Variants in SF3B1 observed in about 807,000 individuals in gnomAD.
SF3B1 encodes the protein pre-mRNA processing 10.
SF3B1 carries 12 observed loss-of-function variants against 153.8 expected under a neutral mutation model. The observed-to-expected ratio is 0.08, with a 90% CI of 0.05 to 0.13. The LOEUF (loss-of-function observed/expected upper bound fraction) is 0.13. Ranked by LOEUF, SF3B1 falls within the 10% of genes least tolerant of loss-of-function variation. The pLI is 1.00. For missense variants in SF3B1, 513 were observed against 1,606.1 expected (o/e 0.32, Z 11.63); for synonymous variants, 498 against 525.2 (o/e 0.95, Z 0.71).
intron 6 of SF3B1, among the ~76,000 whole-genome samples, chr2:197,411,669 C>T (rs1162075752): frequency 6.8e-6 from 1 of 146,234 alleles, no homozygotes; most frequent in Non-Finnish European, 1.5e-5. Flanking sequence ...GAGACCCCGT[C>T]TCAAAAAAAA....
chr2:197,392,313 T>C lies in SF3B1; in HGVS notation c.3905A>G (p.Tyr1302Cys), dbSNP rs1355082539. 14 of 1,128,078 alleles carry C rather than the reference T, an allele frequency of 1.2e-5. No homozygotes were observed. Among genetic ancestry groups the C allele is most frequent in the African/African-American group, 3.1e-5 (2 of 64,974 alleles). 69.9% of individuals were successfully genotyped at this position (1,128,078 alleles called of 1,614,324 possible). Residue 1302 changes from tyrosine (Y) to cysteine (C), a missense_variant, in exon 25 of 25, where the codon TAT (tyrosine) becomes TGT (cysteine). Tyr to Cys is a radical substitution (Grantham distance 194, BLOSUM62 -2). Coordinates refer to ENST00000335508, the MANE Select transcript of SF3B1 (RefSeq NM_012433.4). ...KNTYIRYELD[Y>C]IL is the part of the protein sequence containing the mutation. ...AAATAAACAATAAAATTATAAGATA[T>C]AGTCAAGTTCATAACGAATATAGGT...
At chr2:197,405,573 GT>G in intron 9 of SF3B1, 101 bp from the exon 10 acceptor site, 1 of 783,748 alleles carries the variant, frequency 1.3e-6, no homozygotes, top group Non-Finnish European at 2.1e-6. Context: ...AGCTAATAAG[GT>G]TTTTATTTGC....
rs556176328 is a variant in SF3B1, at chr2:197,398,130, TAC to T, written c.3135-16_3135-15del. 2 of 1,587,288 alleles carry T rather than the reference TAC, an allele frequency of 1.3e-6. No homozygotes were observed. Among genetic ancestry groups the T allele is most frequent in the Non-Finnish European group, 1.7e-6 (2 of 1,162,166 alleles). On this transcript the variant is annotated splice_polypyrimidine_tract_variant and intron_variant, in intron 21 of 24. Coordinates refer to ENST00000335508, the MANE Select transcript of SF3B1 (RefSeq NM_012433.4). ...TATTCAGCTCCCCTAATTTAAAAAA[TAC>T]ACATATTAATTATTGTGACATTAAG...
In SF3B1 at chr2:197,403,591, C is replaced by A. The variant is rs983207298; in HGVS notation, c.1713G>T (p.Val571=). ...ACTATTAAGGAGAACAAACCTTATG[C>A]ACATATGGACGAACTAAGTCATCAA... The part of the protein sequence containing the change: ...YKLDDLVRPY[V]HKILVVIEPL... Residue 571 remains valine (V), a synonymous_variant, in exon 12 of 25, where the codon GTG becomes GTT. Coordinates refer to ENST00000335508, the MANE Select transcript of SF3B1 (RefSeq NM_012433.4). 5 of 1,547,800 alleles carry A rather than the reference C, an allele frequency of 3.2e-6. No individual in the cohort carries two copies. The highest frequency in any genetic ancestry group is 4.3e-6 in the Non-Finnish European group (5 of 1,156,068).
chr2:197,392,899 A>C, intron 24 of SF3B1, 73 bp downstream of exon 24: 1 of 880,412 alleles, frequency 1.1e-6, no homozygotes. Context: ...CACGTTCAGC[A>C]CAAGTATCCC....
chr2:197,412,907 G>A (rs1409829106), intron 6 of SF3B1, among the ~76,000 whole-genome samples: 1 of 148,408 alleles, frequency 6.7e-6, no homozygotes, highest in East Asian at 2.0e-4. Flanking sequence ...AACCTGGGAG[G>A]TGGAGGTTGC....
chr2:197,402,163 C>T lies in SF3B1; in HGVS notation c.2078-33G>A, dbSNP rs768134205. On this transcript the variant is annotated intron_variant, in intron 14 of 24. Coordinates refer to ENST00000335508, the MANE Select transcript of SF3B1 (RefSeq NM_012433.4). The surrounding 1 kb of genome is among the most constrained non-coding windows in gnomAD (Gnocchi z 4.6). Reference sequence around the variant, plus strand: ...ACCAAACACAGGTTTTAACTATGCCCCAACATTACCTAAGTTACACAATAT... The same window carrying T: ...ACCAAACACAGGTTTTAACTATGCCTCAACATTACCTAAGTTACACAATAT... 6.4e-7 allele frequency: 1 copy of T among 1,571,314 alleles called. No homozygotes were observed.
In SF3B1 at chr2:197,418,129, G is replaced by C. The variant is rs934450253; in HGVS notation, c.495+380C>G. On this transcript the variant is annotated intron_variant, in intron 5 of 24. Coordinates refer to ENST00000335508, the MANE Select transcript of SF3B1 (RefSeq NM_012433.4). ...CACACACTTGTGTTCCCAGCTACTC[G>C]GGAGGCTGAAGTGGGAGGATAACTT... Among the ~76,000 whole-genome samples, 8 of 150,454 alleles carry C rather than the reference G, an allele frequency of 5.3e-5. No individual in the cohort carries two copies. The East Asian group carries it at 1.6e-3, about 30-fold the overall frequency.
At chr2:197,416,083 G>A (rs2106004115) in intron 6 of SF3B1, among the ~76,000 whole-genome samples, 1 of 148,034 alleles carries the variant, frequency 6.8e-6, no homozygotes, top group Middle Eastern at 3.5e-3. Context: ...CCCCCAAAGT[G>A]CTGAGATTAT....
At chr2:197,399,289 T>C (rs1329686278) in intron 20 of SF3B1, among the ~76,000 whole-genome samples, 1 of 152,208 alleles carries the variant, frequency 6.6e-6, no homozygotes. Context: ...GTGTATCGCA[T>C]AAATACCTCT....
chr2:197,406,245 T>C (rs2084991297), intron 9 of SF3B1, among the ~76,000 whole-genome samples: 1 of 151,462 alleles, frequency 6.6e-6, no homozygotes, highest in Admixed American at 6.6e-5. Flanking sequence ...CTCTATTTTA[T>C]ATAATTTAAT....
At chr2:197,403,413 C>A (rs1204494355) in intron 12 of SF3B1, among the ~76,000 whole-genome samples, 172 bp downstream of exon 12, 1 of 152,108 alleles carries the variant, frequency 6.6e-6, no homozygotes, top group Non-Finnish European at 1.5e-5. Context: ...GAACCTCTTA[C>A]GGCAAAGATG....
intron 4 of SF3B1, chr2:197,420,224 C>T: frequency 6.6e-6 from 3 of 457,014 alleles, no homozygotes; most frequent in Non-Finnish European, 1.2e-5. Context: ...TTTTTCTTGT[C>T]CTTCTACCTG....
In SF3B1 at chr2:197,400,049, C is replaced by T; in HGVS notation, c.3013+6G>A. On this transcript the variant is annotated splice_donor_region_variant and intron_variant, in intron 20 of 24. Coordinates refer to ENST00000335508, the MANE Select transcript of SF3B1 (RefSeq NM_012433.4). The surrounding 1 kb of genome is among the most constrained non-coding windows in gnomAD (Gnocchi z 5.0). ...AAAAGTCTTATGTAACCAGCAAATT[C>T]CATACCTATGACATTTACAATGGCC... The T allele has an allele frequency of 6.5e-6, 10 of 1,547,938 alleles. No homozygotes were observed. Among genetic ancestry groups the T allele is most frequent in the Non-Finnish European group, 8.9e-6 (10 of 1,124,806 alleles).
chr2:197,411,401 C>T (rs1200391982), intron 6 of SF3B1, among the ~76,000 whole-genome samples: 10 of 151,562 alleles, frequency 6.6e-5, no homozygotes, highest in Non-Finnish European at 1.0e-4. Context: ...TGGCCGGGTG[C>T]GGTGGCTCAC....
At chr2:197,427,157 G>A (rs1157308990) in intron 1 of SF3B1, among the ~76,000 whole-genome samples, 6 of 152,186 alleles carry the variant, frequency 3.9e-5, no homozygotes, top group Non-Finnish European at 1.5e-5. Context: ...TGTAAATCAT[G>A]ACTAGGTTCT....
intron 2 of SF3B1, among the ~76,000 whole-genome samples, 183 bp from the exon 3 acceptor site, chr2:197,421,316 TCAGTA>T (rs1480379447): frequency 6.6e-6 from 1 of 152,234 alleles, no homozygotes; most frequent in African/African-American, 2.4e-5. Context: ...TAAATTCAAT[TCAGTA>T]AAGTTATCTT....
intron 5 of SF3B1, among the ~76,000 whole-genome samples, chr2:197,418,307 G>T (rs1473180666): frequency 7.3e-6 from 1 of 137,894 alleles, no homozygotes; most frequent in East Asian, 2.2e-4. Flanking sequence ...CAGCCAAGGG[G>T]CCCAGGACTA....
chr2:197,391,026 GA>G lies in SF3B1; in HGVS notation c.*1276del, dbSNP rs1288849653. ...ATTTTTTTTCCCTTTAGAGTTCACA[GA>G]AGTACTACCACATGGAGACAAAACA... is the stretch of plus-strand genomic sequence containing the variant. On this transcript the variant is annotated 3_prime_UTR_variant, in exon 25 of 25. Coordinates refer to ENST00000335508, the MANE Select transcript of SF3B1 (RefSeq NM_012433.4). 4.6e-5 allele frequency: 7 copies of G among 152,218 alleles called. No individual in the cohort carries two copies. The South Asian group carries it at 1.0e-3, about 23-fold the overall frequency. 9.4% of individuals were successfully genotyped at this position (152,218 alleles called of 1,614,324 possible). A position where few individuals can be genotyped will look rare whatever the true frequency, so the allele number is the denominator to read the frequency against.
Sources: gnomAD v4.1 joint callset for allele counts (sites outside exome capture counted in the v4.1 genomes callset) on GRCh38, gnomAD v4.1.1 for gene constraint, Gnocchi (gnomAD v3.1) non-coding constraint, MANE v1.5 for transcripts, NCBI Gene and HGNC (gene_info 2026-07-23, HGNC 2026-07-21) for gene names.